Variants in TEAD4 observed in about 807,000 individuals in gnomAD.
TEAD4 encodes the protein transcriptional enhancer factor TEF-3.
TEAD4 carries 36 observed loss-of-function variants against 52.4 expected under a neutral mutation model. That is an observed-to-expected ratio of 0.69 (90% CI 0.53 to 0.91). TEAD4 has a LOEUF of 0.91. Among genes scored for constraint, TEAD4 ranks in the 40% least tolerant of loss-of-function variants. TEAD4 has a pLI of 0.00. For missense variants in TEAD4, 508 were observed against 583.9 expected, an observed-to-expected ratio of 0.87 and a Z score of 1.34; for synonymous variants, 220 against 231.0, an observed-to-expected ratio of 0.95 and a Z score of 0.43.
chr12:3,015,253 G>GC (rs201129368), intron 5 of TEAD4, among the ~76,000 whole-genome samples: 4,884 of 152,132 alleles, frequency 0.032, 115 homozygotes, highest in Non-Finnish European at 0.05. Flanking sequence ...GGTTTGCATG[G>GC]CCCCCCGTGT....
Position 3,038,076 on chromosome 12 carries a change from T to C in TEAD4, c.1006T>C (p.Ser336Pro). The C allele has an allele frequency of 6.2e-7, 1 of 1,613,538 alleles. No individual in the cohort carries two copies. The highest frequency in any genetic ancestry group is 8.5e-7 in the Non-Finnish European group (1 of 1,179,574). The change falls in exon 11 of 13, where the codon TCT becomes CCT. Residue 336 changes from serine to proline, a missense_variant. Ser to Pro is a moderately conservative substitution (Grantham distance 74). Coordinates refer to ENST00000359864, the MANE Select transcript of TEAD4 (RefSeq NM_003213.4). ...CATCACCTGCTCCACGAAGGTCTGC[T>C]CTTTCGGCAAGCAGGTGGTGGAGAA...
chr12:3,021,617 T>C (rs1444301095), intron 9 of TEAD4, among the ~76,000 whole-genome samples: 3 of 152,222 alleles, frequency 2.0e-5, no homozygotes, highest in Admixed American at 6.5e-5. Flanking sequence ...GGCTCAGACT[T>C]CTTTTTAGCT....
intron 9 of TEAD4, 127 bp from the exon 10 acceptor site, chr12:3,021,716 TG>T: frequency 1.1e-6 from 1 of 877,592 alleles, no homozygotes; most frequent in Non-Finnish European, 1.8e-6. Context: ...ATTTTACTCA[TG>T]GGGAAACTAT....
chr12:2,976,841 G>A (rs576357017), intron 2 of TEAD4, among the ~76,000 whole-genome samples: 1 of 152,154 alleles, frequency 6.6e-6, no homozygotes, highest in East Asian at 1.9e-4. Flanking sequence ...CTGGGCTGGG[G>A]CCTGCAGCAT....
chr12:2,982,896 A>G (rs1449686949), intron 2 of TEAD4, among the ~76,000 whole-genome samples: 5 of 152,160 alleles, frequency 3.3e-5, no homozygotes, highest in Admixed American at 1.3e-4. Context: ...CCTAGGCCCA[A>G]CTTCTGCAGG....
chr12:3,001,489 AAGCC>A (rs1258577899), intron 3 of TEAD4, among the ~76,000 whole-genome samples: 1 of 152,218 alleles, frequency 6.6e-6, no homozygotes, highest in East Asian at 1.9e-4. Context: ...AGGTGGAATC[AAGCC>A]AGCCGCGGTG....
At chr12:3,024,868 A>G (rs2098271090) in intron 10 of TEAD4, among the ~76,000 whole-genome samples, 1 of 151,988 alleles carries the variant, frequency 6.6e-6, no homozygotes, top group African/African-American at 2.4e-5. Flanking sequence ...AAACTGTTAG[A>G]TAATTTATCA....
intron 2 of TEAD4, among the ~76,000 whole-genome samples, chr12:2,972,352 G>A (rs1366855692): frequency 6.6e-6 from 1 of 152,140 alleles, no homozygotes; most frequent in Non-Finnish European, 1.5e-5. Context: ...AAAGTGCTTG[G>A]ATTACGGGTG....
chr12:2,971,974 G>A lies in TEAD4; in HGVS notation c.-30+11934G>A, dbSNP rs374803479. ...ATTACAGGCACGTGTCATGATGCCC[G>A]GCTATTTTTTGCATTTTCAGTAGGG... is the stretch of plus-strand genomic sequence containing the variant. On this transcript the variant is annotated intron_variant, in intron 2 of 12. Transcript: ENST00000359864. Among the ~76,000 whole-genome samples the A allele has an allele frequency of 6.1e-4, 92 of 151,294 alleles. 1 individual carries two copies. The South Asian group carries it at 0.018, about 29-fold the overall frequency.
At chr12:2,967,564 A>G (rs1419814756) in intron 2 of TEAD4, among the ~76,000 whole-genome samples, 1 of 152,220 alleles carries the variant, frequency 6.6e-6, no homozygotes, top group Admixed American at 6.5e-5. Flanking sequence ...TTTAAGTTCA[A>G]AGCATCAATT....
At chr12:3,021,307 CT>C (rs371527718) in intron 9 of TEAD4, among the ~76,000 whole-genome samples, 3,598 of 133,150 alleles carry the variant, frequency 0.027, 83 homozygotes, top group African/African-American at 0.063. Context: ...CTTCAAACTT[CT>C]TTTTTTTTTT....
intron 10 of TEAD4, among the ~76,000 whole-genome samples, chr12:3,029,981 C>G (rs2098274520): frequency 6.6e-6 from 1 of 152,042 alleles, no homozygotes; most frequent in South Asian, 2.1e-4. Flanking sequence ...AAGGGACATA[C>G]TTGGTCACAA....
At chr12:2,960,288 G>A in intron 2 of TEAD4, 1 of 985,636 alleles carries the variant, frequency 1.0e-6, no homozygotes, top group Non-Finnish European at 1.2e-6. Flanking sequence ...GGCAACAGAA[G>A]AGACCCAGCA....
At chr12:3,029,329 C>T (rs1015131173) in intron 10 of TEAD4, among the ~76,000 whole-genome samples, 2 of 151,454 alleles carry the variant, frequency 1.3e-5, no homozygotes, top group African/African-American at 4.9e-5. Context: ...GCTCCGCCTC[C>T]CGGGTTCACG....
intron 2 of TEAD4, among the ~76,000 whole-genome samples, chr12:2,992,834 G>A (rs1018368083): frequency 6.6e-6 from 1 of 152,168 alleles, no homozygotes; most frequent in East Asian, 1.9e-4. Context: ...AAGATTACTG[G>A]TATGTCCTGC....
chr12:2,994,957 G>A lies in TEAD4; in HGVS notation c.191G>A (p.Arg64His), dbSNP rs375587017. 1.6e-5 allele frequency: 26 copies of A among 1,613,968 alleles called. No individual in the cohort carries two copies. The highest frequency in any genetic ancestry group is 2.2e-5 in the South Asian group (2 of 91,084). ...GCCATCTACCCGCCCTGTGGCAGGCGCAAAATCATCCTGTCGGACGAGGGC... is the reference window on the plus strand; with the variant it reads ...GCCATCTACCCGCCCTGTGGCAGGCACAAAATCATCCTGTCGGACGAGGGC... The change falls in exon 3 of 13, where the codon CGC (arginine) becomes CAC (histidine). Residue 64 changes from arginine (R) to histidine (H), a missense_variant. Coordinates refer to ENST00000359864, the MANE Select transcript of TEAD4 (RefSeq NM_003213.4). This position sits in a 1 kb window ranked among gnomAD's most constrained non-coding sequence, Gnocchi z 4.7.
At chr12:3,005,165 G>T (rs2098254842) in intron 3 of TEAD4, among the ~76,000 whole-genome samples, 1 of 152,246 alleles carries the variant, frequency 6.6e-6, no homozygotes, top group Non-Finnish European at 1.5e-5. Context: ...ATCTAAAACA[G>T]TGGTGCTCAC....
chr12:2,992,428 C>G (rs2098243895), intron 2 of TEAD4, among the ~76,000 whole-genome samples: 1 of 152,160 alleles, frequency 6.6e-6, no homozygotes, highest in South Asian at 2.1e-4. Flanking sequence ...GCCTCCCACA[C>G]TTAGCCCCTC....
At chr12:2,970,252 CT>C (rs1157141934) in intron 2 of TEAD4, among the ~76,000 whole-genome samples, 1 of 152,232 alleles carries the variant, frequency 6.6e-6, no homozygotes, top group Non-Finnish European at 1.5e-5. Flanking sequence ...TCAATTTGGA[CT>C]AACAACGTTT....
Sources: allele counts gnomAD v4.1 joint callset (sites outside exome capture counted in the v4.1 genomes callset), GRCh38; gene constraint gnomAD v4.1.1; non-coding constraint Gnocchi (gnomAD v3.1); transcripts MANE v1.5; gene names NCBI Gene and HGNC (gene_info 2026-07-23, HGNC 2026-07-21).